The following CNTNAP3B variants were observed in gnomAD, a reference collection of about 807,000 sequenced individuals.
CNTNAP3B encodes contactin associated protein family member 3B.
Under a neutral mutation model 108.9 loss-of-function variants are expected in CNTNAP3B, and 25 were observed. The observed-to-expected ratio is 0.23, with a 90% CI of 0.17 to 0.32. CNTNAP3B has a LOEUF of 0.32. Ranked by LOEUF, CNTNAP3B falls within the 10% of genes least tolerant of loss-of-function variation. The probability of loss-of-function intolerance (pLI) is 1.00; values close to 1 mark genes in which losing one functional copy is unlikely to be tolerated. For missense variants in CNTNAP3B, 252 were observed against 1,210.4 expected (o/e 0.21, Z 11.75); for synonymous variants, 103 against 473.4 (o/e 0.22, Z 10.16).
chr9:41,966,316 A>C (rs2118239881), intron 10 of CNTNAP3B, among the ~76,000 whole-genome samples: 1 of 152,426 alleles, frequency 6.6e-6, no homozygotes, highest in East Asian at 1.9e-4. Flanking sequence ...GAATAATTTT[A>C]GTTCAAAATA....
rs1828534764 is a variant in CNTNAP3B at position 42,124,877 on chromosome 9, C to A, written c.85+4133G>T. Among the ~76,000 whole-genome samples, 2 of 136,598 alleles carry A rather than the reference C, an allele frequency of 1.5e-5. 1 individual carries two copies. The highest frequency in any genetic ancestry group is 5.8e-5 in the African/African-American group (2 of 34,210). The allele number at this position is 136,598 out of a possible 152,430, so 89.6% of individuals were successfully genotyped here. ...TTATTTCTCATAATTGTTTTTTTTT[C>A]AGCCTCTTTATTTTTAATCTACATC... On this transcript the variant is annotated intron_variant, in intron 1 of 23. Coordinates refer to ENST00000377561, the MANE Select transcript of CNTNAP3B (RefSeq NM_001201380.3).
At chr9:42,018,770 C>A (rs550390457) in intron 3 of CNTNAP3B, among the ~76,000 whole-genome samples, 1 of 151,790 alleles carries the variant, frequency 6.6e-6, no homozygotes, top group African/African-American at 2.4e-5. Flanking sequence ...GGGTCTGAGG[C>A]CAAGTCCCAA....
intron 13 of CNTNAP3B, among the ~76,000 whole-genome samples, chr9:41,943,064 T>C (rs1824409925): frequency 6.6e-6 from 1 of 152,274 alleles, no homozygotes; most frequent in South Asian, 2.1e-4. Flanking sequence ...TTTGAAATAA[T>C]AATCAATATG....
Position 42,120,536 on chromosome 9 carries a change from C to T in CNTNAP3B, c.85+8474G>A, listed in dbSNP as rs368472538. ...GACACATGCACACGTATGTTTATTG[C>T]GGGACTATTCACAATAGCAAGACTT... On this transcript the variant is annotated intron_variant, in intron 1 of 23. Transcript: ENST00000377561. Among the ~76,000 whole-genome samples, 21 of 137,334 alleles carry T rather than the reference C, an allele frequency of 1.5e-4. 2 individuals are homozygous for T. The highest frequency in any genetic ancestry group is 3.6e-4 in the Admixed American group (5 of 13,800). 90.1% of individuals were successfully genotyped at this position (137,334 alleles called of 152,430 possible).
At chr9:41,947,552 G>A (rs1396525421) in intron 13 of CNTNAP3B, among the ~76,000 whole-genome samples, 31 of 152,150 alleles carry the variant, frequency 2.0e-4, no homozygotes, top group Admixed American at 6.6e-5. Context: ...GTGTTGATAG[G>A]GAAAACGTAG....
intron 3 of CNTNAP3B, among the ~76,000 whole-genome samples, chr9:42,062,519 CTG>C (rs1183359905): frequency 2.1e-5 from 2 of 93,280 alleles, no homozygotes; most frequent in Non-Finnish European, 4.2e-5. Context: ...AGCGAGCTCC[CTG>C]TGTGTAGCAC....
At chr9:42,042,290 T>C (rs1371769359) in intron 3 of CNTNAP3B, among the ~76,000 whole-genome samples, 4 of 115,650 alleles carry the variant, frequency 3.5e-5, no homozygotes, top group South Asian at 2.7e-4. Flanking sequence ...CTTCCTGTTC[T>C]AGATAGATAA....
intron 3 of CNTNAP3B, among the ~76,000 whole-genome samples, chr9:42,069,224 A>AG (rs762325253): frequency 1.2e-4 from 16 of 128,288 alleles, no homozygotes; most frequent in Non-Finnish European, 2.4e-4. Context: ...AAAATCAGAG[A>AG]GAAAAAAAGT....
rs1274453297 is a variant in CNTNAP3B at position 42,116,719 on chromosome 9, A to C, written c.86-11980T>G. ...AGGCTAAATCCTCCAATTAAAAGAC[A>C]CAGAGTGGCAAATTGGATAAAGAGT... On this transcript the variant is annotated intron_variant, in intron 1 of 23. Coordinates refer to ENST00000377561, the MANE Select transcript of CNTNAP3B (RefSeq NM_001201380.3). 2.1e-5 allele frequency among the ~76,000 whole-genome samples: 3 copies of C among 139,994 alleles called. 1 individual carries two copies. Among genetic ancestry groups the C allele is most frequent in the African/African-American group, 5.7e-5 (2 of 35,296 alleles). 91.8% of individuals were successfully genotyped at this position (139,994 alleles called of 152,430 possible). A position where few individuals can be genotyped will look rare whatever the true frequency, so the allele number is the denominator to read the frequency against.
intron 13 of CNTNAP3B, among the ~76,000 whole-genome samples, chr9:41,941,925 T>C (rs1824357999): frequency 6.6e-6 from 1 of 152,156 alleles, no homozygotes; most frequent in African/African-American, 2.4e-5. Context: ...CGCTCTTATG[T>C]CTCCAGCAGG....
At chr9:41,927,882 G>A (rs1823863082) in intron 15 of CNTNAP3B, among the ~76,000 whole-genome samples, 1 of 141,522 alleles carries the variant, frequency 7.1e-6, no homozygotes, top group Non-Finnish European at 1.5e-5. Flanking sequence ...TAAAGCCATT[G>A]GAAGAAACAG....
rs1344400924 is a variant in CNTNAP3B, at chr9:42,110,842, A to G, written c.86-6103T>C. On this transcript the variant is annotated intron_variant, in intron 1 of 23. Coordinates refer to ENST00000377561, the MANE Select transcript of CNTNAP3B (RefSeq NM_001201380.3). Reference sequence around the variant, plus strand: ...AATGCTTTTATTTAGAAGGTACCAAAAGTTCATCTTATTATGAATCTGAAT... The same window carrying G: ...AATGCTTTTATTTAGAAGGTACCAAGAGTTCATCTTATTATGAATCTGAAT... 2.9e-5 allele frequency among the ~76,000 whole-genome samples: 4 copies of G among 139,748 alleles called. 1 individual carries two copies. The highest frequency in any genetic ancestry group is 1.1e-4 in the African/African-American group (4 of 35,314). 91.7% of individuals were successfully genotyped at this position (139,748 alleles called of 152,430 possible). A position where few individuals can be genotyped will look rare whatever the true frequency, so the allele number is the denominator to read the frequency against.
chr9:41,942,634 A>C (rs965399995), intron 13 of CNTNAP3B, among the ~76,000 whole-genome samples: 1 of 150,644 alleles, frequency 6.6e-6, no homozygotes, highest in African/African-American at 2.5e-5. Context: ...AAATAAAAAC[A>C]TTAAAAAAAA....
At chr9:42,114,971 TG>T in intron 1 of CNTNAP3B, among the ~76,000 whole-genome samples, 1 of 136,102 alleles carries the variant, frequency 7.3e-6, no homozygotes. Context: ...GGAGAATCAC[TG>T]GAACCCGGGA....
At position 42,127,838 on chromosome 9, in the gene CNTNAP3B, C is replaced by G. The variant is rs186397897; in HGVS notation, c.85+1172G>C. Among the ~76,000 whole-genome samples the G allele has an allele frequency of 1.7e-4, 23 of 138,936 alleles. 2 individuals carry two copies. Among genetic ancestry groups the G allele is most frequent in the Admixed American group, 1.6e-3 (23 of 13,952 alleles). 91.1% of individuals were successfully genotyped at this position (138,936 alleles called of 152,430 possible). ...CGTGCCCTGTGTGTGAAGAAACAAC[C>G]CACCCTTGAGCCCACAGGCAGAACA... On this transcript the variant is annotated intron_variant, in intron 1 of 23. Transcript: ENST00000377561.
At position 41,951,002 on chromosome 9, in the gene CNTNAP3B, C is replaced by T. The variant is rs868189371; in HGVS notation, c.2080+2181G>A. Among the ~76,000 whole-genome samples, 87 of 112,622 alleles carry T rather than the reference C, an allele frequency of 7.7e-4. No individual in the cohort carries two copies. In the Middle Eastern group the frequency reaches 0.022, roughly 28 times the overall value. The allele number at this position is 112,622 out of a possible 152,430, so 73.9% of individuals were successfully genotyped here. The stretch of plus-strand genomic sequence containing the variant: ...ATTTCCTGACCTCGTGATCCGCCCG[C>T]CTCGGCCTCCCGAAGTGTTGGGATT... On this transcript the variant is annotated intron_variant, in intron 13 of 23. Transcript: ENST00000377561.
chr9:42,110,502 TC>T lies in CNTNAP3B; in HGVS notation c.86-5764del, dbSNP rs1828174229. Among the ~76,000 whole-genome samples the T allele has an allele frequency of 1.5e-5, 2 of 129,992 alleles. 1 individual carries two copies. Among genetic ancestry groups the T allele is most frequent in the Admixed American group, 1.6e-4 (2 of 12,748 alleles). The allele number at this position is 129,992 out of a possible 152,430, so 85.3% of individuals were successfully genotyped here. On this transcript the variant is annotated intron_variant, in intron 1 of 23. Coordinates refer to ENST00000377561, the MANE Select transcript of CNTNAP3B (RefSeq NM_001201380.3). ...AGTTCAACAGATGGTTACTGTGTTATCACAGATGTACAGAAAACCTCTTTGT... is the reference window on the plus strand; with the variant it reads ...AGTTCAACAGATGGTTACTGTGTTATACAGATGTACAGAAAACCTCTTTGT...
chr9:41,921,754 C>T (rs1588040285), intron 17 of CNTNAP3B, among the ~76,000 whole-genome samples: 2 of 151,852 alleles, frequency 1.3e-5, no homozygotes, highest in South Asian at 2.1e-4. Flanking sequence ...TGAGCCAGAC[C>T]GGGTTATAAA....
At chr9:41,961,525 C>T (rs1292849830) in intron 11 of CNTNAP3B, among the ~76,000 whole-genome samples, 1 of 152,300 alleles carries the variant, frequency 6.6e-6, no homozygotes, top group Non-Finnish European at 1.5e-5. Flanking sequence ...CATTAAAAGG[C>T]CTAAATAATC....
Sources: gnomAD v4.1 joint callset for allele counts (sites outside exome capture counted in the v4.1 genomes callset) on GRCh38, gnomAD v4.1.1 for gene constraint, MANE v1.5 for transcripts, NCBI Gene and HGNC (gene_info 2026-07-23, HGNC 2026-07-21) for gene names.